CCDC158: variants seen among roughly 807,000 people sequenced by gnomAD.
CCDC158 encodes coiled-coil domain-containing protein 158.
Under a neutral mutation model 138.6 loss-of-function variants are expected in CCDC158, and 116 were observed. That is an observed-to-expected ratio of 0.84 (90% CI 0.72 to 0.98). CCDC158 has a LOEUF of 0.98. Among genes scored for constraint, CCDC158 ranks in the 50% least tolerant of loss-of-function variants. The probability of loss-of-function intolerance (pLI) is 0.00; values close to 1 mark genes in which losing one functional copy is unlikely to be tolerated. For missense variants in CCDC158, 1,265 were observed against 1,306.1 expected (o/e 0.97, Z 0.48); for synonymous variants, 436 against 442.4 (o/e 0.99, Z 0.18).
chr4:76,366,638 A>ACACACAC (rs34680628), intron 12 of CCDC158, among the ~76,000 whole-genome samples: 6,341 of 147,916 alleles, frequency 0.043, 322 homozygotes, highest in African/African-American at 0.12. Context: ...CACACACACA[A>ACACACAC]ACACACACAC....
chr4:76,383,773 G>C (rs923808293), intron 6 of CCDC158, 35 bp from the exon 7 acceptor site: 2 of 1,444,808 alleles, frequency 1.4e-6, no homozygotes, highest in East Asian at 4.6e-5. Context: ...TTTAGTTACT[G>C]GTAAATATAA....
rs764331312 is a variant in CCDC158 at position 76,369,485 on chromosome 4, G to A, written c.1288C>T (p.Arg430Cys). ...AAGGCCTTGAGCAGGGCTTCCAGGC[G>A]CTGCACCTCCATGTTCCGGTTGTCC... ...ELDNRNMEVQ[R>C]LEALLKALKS... Residue 430 changes from arginine to cysteine, a missense_variant, in exon 11 of 25, where the codon CGC becomes TGC. By Grantham distance (180) the Arg-to-Cys change is radical. Transcript: ENST00000682701. 1.5e-4 allele frequency: 235 copies of A among 1,614,004 alleles called. No individual in the cohort carries two copies. Among genetic ancestry groups the A allele is most frequent in the Non-Finnish European group, 1.9e-4 (225 of 1,180,032 alleles).
intron 1 of CCDC158, among the ~76,000 whole-genome samples, 75 bp downstream of exon 1, chr4:76,420,890 A>T (rs1730066490): frequency 6.6e-6 from 1 of 152,154 alleles, no homozygotes; most frequent in Non-Finnish European, 1.5e-5. Flanking sequence ...AATGAACACG[A>T]GTCGCTCCGG....
chr4:76,390,729 A>T (rs560140869), intron 4 of CCDC158, among the ~76,000 whole-genome samples: 1 of 152,202 alleles, frequency 6.6e-6, no homozygotes, highest in Non-Finnish European at 1.5e-5. Context: ...TCTGTTGCCA[A>T]CAAGAAACAC....
At chr4:76,323,571 T>A (rs1461065337) in intron 23 of CCDC158, among the ~76,000 whole-genome samples, 162 bp from the exon 24 acceptor site, 3 of 152,230 alleles carry the variant, frequency 2.0e-5, no homozygotes, top group Non-Finnish European at 4.4e-5. Context: ...CTCTAAAACA[T>A]GATTTTAAAA....
chr4:76,341,656 C>T (rs572182762), intron 18 of CCDC158, among the ~76,000 whole-genome samples: 1 of 152,224 alleles, frequency 6.6e-6, no homozygotes, highest in African/African-American at 2.4e-5. Context: ...AAATATTAAT[C>T]TAAAATGCTC....
intron 1 of CCDC158, among the ~76,000 whole-genome samples, chr4:76,415,881 A>C (rs969749505): frequency 7.2e-5 from 11 of 152,130 alleles, no homozygotes; most frequent in African/African-American, 2.7e-4. Flanking sequence ...GCAGACCGGG[A>C]AAGGGAGTCT....
intron 13 of CCDC158, among the ~76,000 whole-genome samples, chr4:76,361,266 C>T (rs984213467): frequency 2.0e-5 from 3 of 152,164 alleles, no homozygotes; most frequent in Non-Finnish European, 4.4e-5. Context: ...TTTTCTTTAT[C>T]AATTACCCAG....
chr4:76,391,566 C>T (rs1005103315), intron 4 of CCDC158, among the ~76,000 whole-genome samples: 3 of 151,646 alleles, frequency 2.0e-5, no homozygotes, highest in African/African-American at 7.3e-5. Context: ...TAAGTGCCTA[C>T]TTCAAAAAAG....
At chr4:76,366,638 A>AAC (rs1553895921) in intron 12 of CCDC158, among the ~76,000 whole-genome samples, 35 of 147,966 alleles carry the variant, frequency 2.4e-4, no homozygotes, top group East Asian at 4.0e-4. Context: ...CACACACACA[A>AAC]ACACACACAC....
intron 4 of CCDC158, among the ~76,000 whole-genome samples, chr4:76,392,115 A>C (rs1405381459): frequency 6.6e-6 from 1 of 151,994 alleles, no homozygotes; most frequent in Non-Finnish European, 1.5e-5. Context: ...TTCCAAACTC[A>C]TTCTATGATG....
chr4:76,403,832 C>A (rs961942468), intron 2 of CCDC158, among the ~76,000 whole-genome samples: 1 of 152,178 alleles, frequency 6.6e-6, no homozygotes, highest in East Asian at 1.9e-4. Context: ...TCTGCAAGTA[C>A]AGGGAAATCT....
chr4:76,333,956 A>G, intron 19 of CCDC158, 54 bp downstream of exon 19: 1 of 1,356,526 alleles, frequency 7.4e-7, no homozygotes, highest in Non-Finnish European at 1.0e-6. Context: ...GAATAACTCA[A>G]TGGCAAACCA....
rs182188408 is a variant in CCDC158 at position 76,338,434 on chromosome 4, C to T, written c.2665-4267G>A. ...GCCTGAGGCAGAAGAATCGCTTGAA[C>T]CTGGGAGGCAGAGGTTGTGGTGGGC... On this transcript the variant is annotated intron_variant, in intron 18 of 24. Coordinates refer to ENST00000682701, the MANE Select transcript of CCDC158 (RefSeq NM_001394954.1). 1.6e-3 allele frequency among the ~76,000 whole-genome samples: 249 copies of T among 152,256 alleles called. 2 individuals carry two copies. The highest frequency in any genetic ancestry group is 2.4e-3 in the Non-Finnish European group (161 of 68,002).
At chr4:76,337,745 AAAG>A (rs1721656549) in intron 18 of CCDC158, among the ~76,000 whole-genome samples, 1 of 152,138 alleles carries the variant, frequency 6.6e-6, no homozygotes. Flanking sequence ...GAAAAAAAAA[AAAG>A]AAGAAAATAG....
intron 16 of CCDC158, chr4:76,352,428 T>C (rs1325318562): frequency 6.6e-6 from 1 of 152,000 alleles, no homozygotes; most frequent in Non-Finnish European, 1.5e-5. Flanking sequence ...TAAAATAAAA[T>C]AAATTTTAAA....
Position 76,357,372 on chromosome 4 carries a change from A to AC in CCDC158, c.2173+1dup, listed in dbSNP as rs1312239661. ...AAAAATTTTAAATCTAACAGAGCAT[A>AC]CCATGACCATCAGATCCTTCCATTG... On this transcript the variant is annotated splice_donor_variant, in intron 14 of 24. Transcript: ENST00000682701. LOFTEE classifies it high-confidence loss of function. 2.6e-6 allele frequency: 4 copies of AC among 1,529,076 alleles called. No individual in the cohort carries two copies. The African/African-American group carries it at 5.6e-5, about 21-fold the overall frequency. 94.7% of individuals were successfully genotyped at this position (1,529,076 alleles called of 1,614,324 possible).
At chr4:76,371,246 G>A (rs1476443795) in intron 10 of CCDC158, among the ~76,000 whole-genome samples, 171 bp downstream of exon 10, 2 of 152,138 alleles carry the variant, frequency 1.3e-5, no homozygotes, top group Non-Finnish European at 2.9e-5. Context: ...TAAGTATACA[G>A]AATATCATAT....
chr4:76,338,090 A>G (rs892505611), intron 18 of CCDC158, among the ~76,000 whole-genome samples: 4 of 152,140 alleles, frequency 2.6e-5, no homozygotes, highest in African/African-American at 9.7e-5. Context: ...AGGAGTGCGA[A>G]CCCTCTTGTG....
Sources: gnomAD v4.1 joint callset for allele counts (sites outside exome capture counted in the v4.1 genomes callset) on GRCh38, gnomAD v4.1.1 for gene constraint, MANE v1.5 for transcripts, NCBI Gene and HGNC (gene_info 2026-07-23, HGNC 2026-07-21) for gene names.